The following ZBBX variants were observed in gnomAD, a reference collection of about 807,000 sequenced individuals.
ZBBX encodes the protein zinc finger B-box domain containing.
A neutral mutation model predicts 108.5 loss-of-function variants in ZBBX; 101 were observed. That is an observed-to-expected ratio of 0.93 (90% CI 0.79 to 1.10). The LOEUF is 1.10. Among genes scored for constraint, ZBBX ranks in the 50% least tolerant of loss-of-function variants. The pLI is 0.00. For missense variants in ZBBX, 1,009 were observed against 941.4 expected (o/e 1.07, Z -0.94); for synonymous variants, 356 against 323.4 (o/e 1.10, Z -1.08).
chr3:167,286,081 C>T (rs1729642884), intron 19 of ZBBX, among the ~76,000 whole-genome samples: 1 of 152,048 alleles, frequency 6.6e-6, no homozygotes, highest in South Asian at 2.1e-4. Flanking sequence ...GAAGGTCTCT[C>T]TATGGAGGTA....
chr3:167,302,891 G>A (rs576349830), intron 17 of ZBBX, among the ~76,000 whole-genome samples: 27 of 152,234 alleles, frequency 1.8e-4, no homozygotes, highest in Middle Eastern at 3.4e-3. Flanking sequence ...ATTTTATACT[G>A]GGCAGTAAGC....
At chr3:167,227,511 C>T in the ZBBX span, among the ~76,000 whole-genome samples, 1 of 151,628 alleles carries the variant, frequency 6.6e-6, no homozygotes, top group Non-Finnish European at 1.5e-5. Flanking sequence ...ATTTGCTATT[C>T]AGATATCTCA....
At chr3:167,346,728 G>A (rs1450841801) in intron 9 of ZBBX, among the ~76,000 whole-genome samples, 2 of 151,800 alleles carry the variant, frequency 1.3e-5, no homozygotes, top group African/African-American at 4.8e-5. Context: ...TACAAGATTG[G>A]TTAGTGAGAG....
intron 20 of ZBBX, among the ~76,000 whole-genome samples, chr3:167,248,402 C>T (rs1721961533): frequency 6.6e-6 from 1 of 152,056 alleles, no homozygotes; most frequent in African/African-American, 2.4e-5. Flanking sequence ...AGGGGTTCTT[C>T]CCCCAGAATC....
the ZBBX span, among the ~76,000 whole-genome samples, chr3:167,211,998 T>A: frequency 7.2e-5 from 11 of 152,152 alleles, no homozygotes; most frequent in Admixed American, 6.5e-5. Context: ...ACTGCTTTTT[T>A]AAGTGGGTTC....
the ZBBX span, among the ~76,000 whole-genome samples, chr3:167,187,411 C>T: frequency 2.0e-5 from 3 of 152,248 alleles, no homozygotes; most frequent in East Asian, 5.8e-4. Context: ...TGCTCAGAGC[C>T]AATTCTGCTA....
intron 9 of ZBBX, among the ~76,000 whole-genome samples, chr3:167,339,545 T>C (rs1022551121): frequency 6.6e-6 from 1 of 152,142 alleles, no homozygotes; most frequent in East Asian, 1.9e-4. Flanking sequence ...CTGTTTTTGT[T>C]TGGGTTTTGG....
chr3:167,345,195 G>A (rs1276918085), intron 9 of ZBBX, among the ~76,000 whole-genome samples: 1 of 151,744 alleles, frequency 6.6e-6, no homozygotes, highest in African/African-American at 2.4e-5. Context: ...ATACAGCACA[G>A]GTACAATGTT....
upstream of ZBBX, chr3:167,381,339 G>A (rs1341445121): frequency 6.6e-6 from 1 of 152,140 alleles, no homozygotes; most frequent in Non-Finnish European, 1.5e-5. Context: ...GTGTGACCAT[G>A]AGCAAGTAAC....
the ZBBX span, among the ~76,000 whole-genome samples, chr3:167,193,399 G>T: frequency 6.6e-6 from 1 of 152,058 alleles, no homozygotes; most frequent in Admixed American, 6.5e-5. Context: ...TCTTCTTTTT[G>T]ACAGAGTTAC....
chr3:167,286,069 C>T (rs1250495249), intron 19 of ZBBX, among the ~76,000 whole-genome samples: 8 of 152,032 alleles, frequency 5.3e-5, no homozygotes, highest in Admixed American at 5.2e-4. Flanking sequence ...AGGGTGGTGC[C>T]AGAAGGTCTC....
intron 20 of ZBBX, among the ~76,000 whole-genome samples, chr3:167,278,811 A>G (rs1019059414): frequency 3.3e-5 from 5 of 150,864 alleles, no homozygotes; most frequent in Non-Finnish European, 7.4e-5. Context: ...AGAGAATTTT[A>G]GACCAATATC....
intron 20 of ZBBX, among the ~76,000 whole-genome samples, chr3:167,277,006 T>C (rs1431521691): frequency 1.3e-5 from 2 of 150,618 alleles, no homozygotes; most frequent in Non-Finnish European, 3.0e-5. Context: ...GCTTCATAAG[T>C]GAAGGAGAAA....
chr3:167,375,317 C>T lies in ZBBX; in HGVS notation c.-131-1530G>A, dbSNP rs554594707. 2.5e-4 allele frequency among the ~76,000 whole-genome samples: 38 copies of T among 152,202 alleles called. 1 individual carries two copies. Among genetic ancestry groups the T allele is most frequent in the African/African-American group, 7.9e-4 (33 of 41,518 alleles). The stretch of plus-strand genomic sequence containing the variant: ...CTAGAGAATCCATTTTATGGCTGGA[C>T]GCGGTGGCTGACACCTGTAATCCCA... On this transcript the variant is annotated intron_variant, in intron 2 of 21. Coordinates refer to ENST00000675490, the MANE Select transcript of ZBBX (RefSeq NM_001199201.2).
At chr3:167,222,325 A>G in the ZBBX span, among the ~76,000 whole-genome samples, 1 of 152,010 alleles carries the variant, frequency 6.6e-6, no homozygotes, top group African/African-American at 2.4e-5. Context: ...CAAACTTCTT[A>G]TGTTCACACT....
At chr3:167,327,855 A>G in intron 11 of ZBBX, 87 bp downstream of exon 11, 1 of 1,316,282 alleles carries the variant, frequency 7.6e-7, no homozygotes, top group East Asian at 2.4e-5. Context: ...TGGAGGTTGC[A>G]GTAAGCCAAG....
chr3:167,179,421 C>G, the ZBBX span, among the ~76,000 whole-genome samples: 2,029 of 152,338 alleles, frequency 0.013, 22 homozygotes, highest in South Asian at 0.026. Context: ...GCAACTAGGC[C>G]ATCAGCCATT....
At chr3:167,300,671 G>A (rs1158320297) in intron 17 of ZBBX, among the ~76,000 whole-genome samples, 7 of 147,908 alleles carry the variant, frequency 4.7e-5, no homozygotes, top group African/African-American at 1.5e-4. Context: ...GTGCAATGGC[G>A]CGACCTCAGC....
Position 167,348,324 on chromosome 3 carries a change from GAA to G in ZBBX, c.528+2094_528+2095del, listed in dbSNP as rs1194196710. Among the ~76,000 whole-genome samples the G allele has an allele frequency of 5.6e-3, 440 of 78,304 alleles. 1 individual carries two copies. The highest frequency in any genetic ancestry group is 0.019 in the African/African-American group (324 of 16,628). The allele number at this position is 78,304 out of a possible 152,430, so 51.4% of individuals were successfully genotyped here. A position where few individuals can be genotyped will look rare whatever the true frequency, so the allele number is the denominator to read the frequency against. On this transcript the variant is annotated intron_variant, in intron 9 of 21. Transcript: ENST00000675490. ...AAAGAGAGAAAGAAAGAGAAAGAAA[GAA>G]AGAAAGAAAGAAAGAAAGAAAGAAA... is the stretch of plus-strand genomic sequence containing the variant.
Sources: gnomAD v4.1 joint callset for allele counts (sites outside exome capture counted in the v4.1 genomes callset) on GRCh38, gnomAD v4.1.1 for gene constraint, MANE v1.5 for transcripts, NCBI Gene and HGNC (gene_info 2026-07-23, HGNC 2026-07-21) for gene names.